LRP1B: variants seen among roughly 807,000 people sequenced by gnomAD.
LRP1B encodes LDL receptor related protein 1B.
In LRP1B, 217 loss-of-function variants were observed where a neutral mutation model predicts 556.6. The ratio of observed to expected loss-of-function variants is 0.39; its 90% CI spans 0.35 to 0.44. LRP1B has a LOEUF of 0.44. Among genes scored for constraint, LRP1B ranks in the 20% least tolerant of loss-of-function variants. The pLI, the probability that LRP1B is intolerant of heterozygous loss-of-function variation, is 1.00. For synonymous variants in LRP1B, 2,047 were observed against 1,865.8 expected, an observed-to-expected ratio of 1.10 and a Z score of -2.50; for missense variants, 5,053 against 5,620.8, an observed-to-expected ratio of 0.90 and a Z score of 3.23.
chr2:141,156,989 C>G (rs1001856918), intron 7 of LRP1B, among the ~76,000 whole-genome samples: 1 of 152,036 alleles, frequency 6.6e-6, no homozygotes, highest in African/African-American at 2.4e-5. Context: ...TTCTAGATCT[C>G]AACTTCTACC....
chr2:141,030,650 A>C (rs1383176621), intron 11 of LRP1B, among the ~76,000 whole-genome samples: 1 of 152,086 alleles, frequency 6.6e-6, no homozygotes, highest in Non-Finnish European at 1.5e-5. Flanking sequence ...GATGTGTATC[A>C]AAATATTTTA....
chr2:142,057,225 T>G (rs1164004232), intron 1 of LRP1B, among the ~76,000 whole-genome samples: 1 of 152,074 alleles, frequency 6.6e-6, no homozygotes, highest in East Asian at 1.9e-4. Flanking sequence ...ATTACCCCAA[T>G]CCCTATCTCT....
In LRP1B at chr2:140,982,169, C is replaced by T. The variant is rs1193614787; in HGVS notation, c.2878G>A (p.Ala960Thr). The change falls in exon 18 of 91, where the codon GCA becomes ACA. Residue 960 changes from alanine (A) to threonine (T), a missense_variant. Physicochemically the swap from Ala to Thr is moderately conservative, Grantham distance 58 (BLOSUM62 0). Transcript: ENST00000389484. ...DDCGDQTDEM[A>T]SCEFPTCEPL... The stretch of plus-strand genomic sequence containing the variant: ...CTCACTCACAACTTACCACAAGATG[C>T]CATTTCATCTGTCTGGTCACCACAG... 6.2e-7 allele frequency: 1 copy of T among 1,611,906 alleles called. No homozygotes were observed. Among genetic ancestry groups the T allele is most frequent in the African/African-American group, 1.3e-5 (1 of 74,806 alleles).
intron 7 of LRP1B, among the ~76,000 whole-genome samples, chr2:141,094,575 A>G (rs1700248739): frequency 6.6e-6 from 1 of 152,174 alleles, no homozygotes; most frequent in African/African-American, 2.4e-5. Context: ...TGTGTTCATA[A>G]TAACAAAATA....
intron 79 of LRP1B, among the ~76,000 whole-genome samples, chr2:140,330,239 A>AATAATT (rs1680738082): frequency 7.0e-6 from 1 of 142,214 alleles, no homozygotes; most frequent in Admixed American, 7.1e-5. Flanking sequence ...TAATAATAAT[A>AATAATT]ATATGGAGCC....
intron 1 of LRP1B, among the ~76,000 whole-genome samples, chr2:141,949,234 T>C (rs553648908): frequency 3.6e-4 from 55 of 152,304 alleles, no homozygotes; most frequent in African/African-American, 1.3e-3. Context: ...CTAGCTCTTC[T>C]AGCTCTTCCA....
intron 2 of LRP1B, among the ~76,000 whole-genome samples, chr2:141,629,438 T>C (rs1688826779): frequency 1.3e-5 from 2 of 152,218 alleles, no homozygotes; most frequent in Non-Finnish European, 2.9e-5. Flanking sequence ...TCTCATTTCT[T>C]AAGTATTAAA....
Position 140,886,140 on chromosome 2 carries a change from C to A in LRP1B, c.3962G>T (p.Gly1321Val), listed in dbSNP as rs2105191919. 1 of 1,568,634 alleles carries A rather than the reference C, an allele frequency of 6.4e-7. No individual in the cohort carries two copies. ...AAGAAAAATTATAATATATGTACCT[C>A]CACTTTCAGAAAGCTTTCCCCGGTA... ...RIYRGKLSES[G>V]GVSAIEVVVE... Residue 1321 changes from glycine to valine, a missense_variant and splice_region_variant, in exon 24 of 91, where the codon GGA becomes GTA. Around this residue, in one of 5 missense-constraint regions of LRP1B, gnomAD observed 3,619 missense variants for 3,931.9 expected, o/e 0.92. Coordinates refer to ENST00000389484, the MANE Select transcript of LRP1B (RefSeq NM_018557.3).
intron 7 of LRP1B, among the ~76,000 whole-genome samples, chr2:141,166,623 C>G (rs1311111315): frequency 6.6e-6 from 1 of 151,476 alleles, no homozygotes; most frequent in Non-Finnish European, 1.5e-5. Flanking sequence ...ATACTAGATC[C>G]TATGCATTCT....
At chr2:141,063,020 C>T (rs1225133892) in intron 7 of LRP1B, among the ~76,000 whole-genome samples, 2 of 151,846 alleles carry the variant, frequency 1.3e-5, no homozygotes, top group African/African-American at 2.4e-5. Context: ...GTAACTCCAA[C>T]ACTTCAGTAT....
intron 79 of LRP1B, among the ~76,000 whole-genome samples, chr2:140,334,091 C>T (rs887649256): frequency 6.6e-6 from 1 of 151,780 alleles, no homozygotes; most frequent in Non-Finnish European, 1.5e-5. Context: ...TTCATTTCAT[C>T]TCTCATTCTC....
chr2:141,478,391 AC>A (rs1682790966), intron 3 of LRP1B, among the ~76,000 whole-genome samples: 1 of 152,240 alleles, frequency 6.6e-6, no homozygotes, highest in Admixed American at 6.5e-5. Context: ...AAACAATATA[AC>A]AAAAAGCCTG....
At chr2:140,825,024 C>CA (rs757376020) in intron 31 of LRP1B, among the ~76,000 whole-genome samples, 6 of 152,016 alleles carry the variant, frequency 3.9e-5, no homozygotes, top group Admixed American at 6.6e-5. Flanking sequence ...GTTGATGAGG[C>CA]AGTAGGTAAT....
intron 2 of LRP1B, among the ~76,000 whole-genome samples, chr2:141,615,634 T>C (rs1688269460): frequency 6.6e-6 from 1 of 152,178 alleles, no homozygotes; most frequent in African/African-American, 2.4e-5. Context: ...AAGTATATTG[T>C]GTTTACAATA....
intron 2 of LRP1B, among the ~76,000 whole-genome samples, chr2:141,540,149 T>C (rs1191168247): frequency 6.6e-6 from 1 of 152,076 alleles, no homozygotes; most frequent in East Asian, 1.9e-4. Flanking sequence ...AATTCCCTTT[T>C]CCTATAGATG....
chr2:140,339,520 A>G (rs1003326850), intron 77 of LRP1B, among the ~76,000 whole-genome samples: 7 of 151,664 alleles, frequency 4.6e-5, no homozygotes, highest in Admixed American at 4.0e-4. Flanking sequence ...AAAGTTAGTT[A>G]TCTCCCAATG....
intron 2 of LRP1B, among the ~76,000 whole-genome samples, chr2:141,711,453 G>A (rs987974023): frequency 6.6e-6 from 1 of 152,156 alleles, no homozygotes. Flanking sequence ...GCATAGAGGA[G>A]ATACCATGTA....
intron 2 of LRP1B, among the ~76,000 whole-genome samples, chr2:141,808,884 G>A (rs966238793): frequency 1.3e-4 from 20 of 152,008 alleles, no homozygotes; most frequent in African/African-American, 4.1e-4. Context: ...TCCCCTTAGC[G>A]TGTTTTCCAG....
intron 7 of LRP1B, among the ~76,000 whole-genome samples, chr2:141,154,621 C>T (rs193255083): frequency 1.9e-4 from 29 of 151,794 alleles, no homozygotes; most frequent in African/African-American, 7.0e-4. Flanking sequence ...CTTATTTTAT[C>T]AGAATGTTTT....
Sources: gnomAD v4.1 joint callset for allele counts (sites outside exome capture counted in the v4.1 genomes callset) on GRCh38, gnomAD v4.1.1 for gene constraint, gnomAD v4.1.1 regional missense constraint, MANE v1.5 for transcripts, NCBI Gene and HGNC (gene_info 2026-07-23, HGNC 2026-07-21) for gene names.